IGSF22: variants seen among roughly 807,000 people sequenced by gnomAD.
IGSF22 encodes the protein immunoglobulin superfamily, member 22.
In IGSF22, 119 loss-of-function variants were observed where a neutral mutation model predicts 127.0. That is an observed-to-expected ratio of 0.94 (90% CI 0.81 to 1.09). The LOEUF (loss-of-function observed/expected upper bound fraction) is 1.09, where lower values mean the gene tolerates loss of function less well. Ranked by LOEUF, IGSF22 falls within the 50% of genes least tolerant of loss-of-function variation. The pLI is 0.00. For missense variants in IGSF22, 1,518 were observed against 1,716.6 expected (o/e 0.88, Z 2.04); for synonymous variants, 568 against 664.7 (o/e 0.85, Z 2.24).
chr11:18,704,355 T>G lies in IGSF22; in HGVS notation c.*113A>C, dbSNP rs1042073482. The G allele has an allele frequency of 2.8e-6, 2 of 716,264 alleles. No individual in the cohort carries two copies. The highest frequency in any genetic ancestry group is 4.7e-5 in the Admixed American group (2 of 42,794). The allele number at this position is 716,264 out of a possible 1,614,324, so 44.4% of individuals were successfully genotyped here. A position where few individuals can be genotyped will look rare whatever the true frequency, so the allele number is the denominator to read the frequency against. ...TTGCCCCATCCCTTCACTGAATGTT[T>G]ACATTAACAAACACCAGAGAGCAAA... On this transcript the variant is annotated 3_prime_UTR_variant, in exon 23 of 23. Coordinates refer to ENST00000513874, the MANE Select transcript of IGSF22 (RefSeq NM_173588.4).
At position 18,707,066 on chromosome 11, in the gene IGSF22, T is replaced by C. The variant is rs1172835984; in HGVS notation, c.3428A>G (p.Tyr1143Cys). ...GCTGAAGACACGCTCGGCTGCCGTGTACCAGGTGGCTGTGCTTGCATCCCG... is the reference window on the plus strand; with the variant it reads ...GCTGAAGACACGCTCGGCTGCCGTGCACCAGGTGGCTGTGCTTGCATCCCG... ...MKRDASTATW[Y>C]TAAERVFSNK... The change falls in exon 21 of 23, where the codon TAC becomes TGC. Residue 1143 changes from tyrosine to cysteine, a missense_variant. Physicochemically the swap from Tyr to Cys is radical, Grantham distance 194. Around this residue, in one of 3 missense-constraint regions of IGSF22, gnomAD observed 1,456 missense variants for 1,644.9 expected, o/e 0.89. Transcript: ENST00000513874. 1.9e-6 allele frequency: 3 copies of C among 1,551,620 alleles called. No individual in the cohort carries two copies. In the East Asian group the frequency reaches 7.3e-5, roughly 38 times the overall value.
intron 7 of IGSF22, among the ~76,000 whole-genome samples, chr11:18,719,338 T>G (rs1448017520): frequency 1.3e-5 from 2 of 151,820 alleles, no homozygotes; most frequent in African/African-American, 4.8e-5. Flanking sequence ...TTGTTTTTTT[T>G]GTATTTTTAG....
chr11:18,724,390 A>G, intron 1 of IGSF22, 121 bp from the exon 2 acceptor site: 2 of 550,542 alleles, frequency 3.6e-6, no homozygotes, highest in Non-Finnish European at 6.5e-6. Flanking sequence ...CCAGGAGAGC[A>G]GTCGAGCTCT....
chr11:18,710,106 A>T (rs1214062832), intron 17 of IGSF22, among the ~76,000 whole-genome samples: 3 of 152,188 alleles, frequency 2.0e-5, no homozygotes, highest in Non-Finnish European at 4.4e-5. Context: ...CACGAAATTT[A>T]AAAAACGTTT....
At chr11:18,713,489 C>T (rs1012308776) in intron 14 of IGSF22, among the ~76,000 whole-genome samples, 1 of 152,208 alleles carries the variant, frequency 6.6e-6, no homozygotes, top group Non-Finnish European at 1.5e-5. Flanking sequence ...TCTCTTTCAC[C>T]TCATTTCCAT....
At position 18,714,401 on chromosome 11, in the gene IGSF22, G is replaced by A. The variant is rs116322277; in HGVS notation, c.1674C>T (p.Gly558=). 1,621 of 1,614,002 alleles carry A rather than the reference G, an allele frequency of 1.0e-3. 11 individuals are homozygous for A. The African/African-American group carries it at 0.019, about 19-fold the overall frequency. The change falls in exon 13 of 23, where the codon GGC becomes GGT. Residue 558 remains glycine, a synonymous_variant. Coordinates refer to ENST00000513874, the MANE Select transcript of IGSF22 (RefSeq NM_173588.4). Reference sequence around the variant, plus strand: ...CTGCACCCTGCTTCACAATCTGCATGCCTGGCAAGTCCGTGATCTGGGGGT... The same window carrying A: ...CTGCACCCTGCTTCACAATCTGCATACCTGGCAAGTCCGTGATCTGGGGGT... ...KDGKEITDLP[G]MQIVKQGAVH...
At chr11:18,725,565 C>T (rs768348057) in intron 1 of IGSF22, among the ~76,000 whole-genome samples, 11 of 152,190 alleles carry the variant, frequency 7.2e-5, no homozygotes, top group Admixed American at 5.2e-4. Flanking sequence ...CTCAGGCTCC[C>T]GAGTAGCTGG....
intron 8 of IGSF22, 83 bp from the exon 9 acceptor site, chr11:18,718,176 A>T: frequency 7.5e-7 from 1 of 1,333,838 alleles, no homozygotes; most frequent in Non-Finnish European, 1.0e-6. Context: ...GCGCCAGCCT[A>T]AGCTGGAGGG....
chr11:18,716,054 C>T lies in IGSF22; in HGVS notation c.1247-338G>A, dbSNP rs958077178. ...CTGCATTGTCTTTCTAATGTCTGGA[C>T]ATTTATACATGCTATTACCTCTGCT... is the stretch of plus-strand genomic sequence containing the variant. On this transcript the variant is annotated intron_variant, in intron 10 of 22. Coordinates refer to ENST00000513874, the MANE Select transcript of IGSF22 (RefSeq NM_173588.4). The surrounding 1 kb of genome is among the most constrained non-coding windows in gnomAD (Gnocchi z 4.5). Among the ~76,000 whole-genome samples the T allele has an allele frequency of 6.6e-5, 10 of 152,288 alleles. No homozygotes were observed. Among genetic ancestry groups the T allele is most frequent in the African/African-American group, 2.2e-4 (9 of 41,554 alleles).
At chr11:18,706,786 G>T in intron 21 of IGSF22, 128 bp downstream of exon 21, 3 of 736,430 alleles carry the variant, frequency 4.1e-6, no homozygotes, top group South Asian at 2.3e-5. Flanking sequence ...CAGCGTCCCA[G>T]ATATTAACCG....
chr11:18,718,220 A>G (rs966893345), intron 8 of IGSF22, 127 bp from the exon 9 acceptor site: 3 of 811,460 alleles, frequency 3.7e-6, no homozygotes, highest in South Asian at 1.8e-5. Flanking sequence ...AGAGATCCCT[A>G]TGATCTCTAT....
At position 18,718,075 on chromosome 11, in the gene IGSF22, T is replaced by A; in HGVS notation, c.829A>T (p.Ile277Phe). ...IWIKGTEPLR[I>F]QYSLGKYDVK... ...TCGTACTTGCCCAGGGAGTACTGGA[T>A]CCTCAGTGGCTCAGTACCCTGCCTC... is the stretch of plus-strand genomic sequence containing the variant. The change falls in exon 9 of 23, where the codon ATC (isoleucine) becomes TTC (phenylalanine). Residue 277 changes from isoleucine (I) to phenylalanine (F), a missense_variant. Physicochemically the swap from Ile to Phe is conservative, Grantham distance 21. Coordinates refer to ENST00000513874, the MANE Select transcript of IGSF22 (RefSeq NM_173588.4). 6.2e-7 allele frequency: 1 copy of A among 1,614,138 alleles called. No homozygotes were observed. The highest frequency in any genetic ancestry group is 8.5e-7 in the Non-Finnish European group (1 of 1,179,996).
Position 18,715,586 on chromosome 11 carries a change from C to A in IGSF22, c.1377G>T (p.Met459Ile). The change falls in exon 11 of 23, where the codon ATG becomes ATT. Residue 459 changes from methionine (M) to isoleucine (I), a missense_variant. By Grantham distance (10) the Met-to-Ile change is conservative. Transcript: ENST00000513874. ...GGTTCATGCTGTACTTAGTGCCATG[C>A]ATCAGCAGCTGCCCATCCTTCTTCC... ...LRWKKDGQLLMHGTKYSMNHE... is the reference protein window; with the variant it reads ...LRWKKDGQLLIHGTKYSMNHE... The A allele has an allele frequency of 1.9e-6, 3 of 1,614,094 alleles. No individual in the cohort carries two copies. The highest frequency in any genetic ancestry group is 2.5e-6 in the Non-Finnish European group (3 of 1,180,030).
chr11:18,708,884 A>G (rs61886878), intron 18 of IGSF22, among the ~76,000 whole-genome samples: 23,203 of 152,202 alleles, frequency 0.15, 2,076 homozygotes, highest in South Asian at 0.29. Flanking sequence ...TAACATCACT[A>G]TTGTAGAGCC....
rs1012159289 is a variant in IGSF22 at position 18,706,164 on chromosome 11, G to A, written c.3581-18C>T. 3 of 1,525,474 alleles carry A rather than the reference G, an allele frequency of 2.0e-6. No homozygotes were observed. In the African/African-American group the frequency reaches 4.1e-5, roughly 21 times the overall value. The allele number at this position is 1,525,474 out of a possible 1,614,324, so 94.5% of individuals were successfully genotyped here. A position where few individuals can be genotyped will look rare whatever the true frequency, so the allele number is the denominator to read the frequency against. Reference sequence around the variant, plus strand: ...GTCCTGGACTGCGCGGGCGGGGCGGGGCAGGCCGTGAGGGCGCCCCAAGGC... The same window carrying A: ...GTCCTGGACTGCGCGGGCGGGGCGGAGCAGGCCGTGAGGGCGCCCCAAGGC... On this transcript the variant is annotated intron_variant, in intron 21 of 22. Coordinates refer to ENST00000513874, the MANE Select transcript of IGSF22 (RefSeq NM_173588.4).
At chr11:18,717,849 T>A in intron 9 of IGSF22, 82 bp downstream of exon 9, 1 of 1,462,122 alleles carries the variant, frequency 6.8e-7, no homozygotes, top group Non-Finnish European at 9.4e-7. Context: ...CTCTTCAATA[T>A]CCCCATGGAT....
intron 14 of IGSF22, among the ~76,000 whole-genome samples, chr11:18,713,106 A>G (rs1212161309): frequency 6.8e-6 from 1 of 148,054 alleles, no homozygotes; most frequent in Non-Finnish European, 1.5e-5. Context: ...TTTCCAAACA[A>G]CCTCACCTCC....
At chr11:18,723,749 G>A (rs1458489580) in intron 2 of IGSF22, among the ~76,000 whole-genome samples, 1 of 152,186 alleles carries the variant, frequency 6.6e-6, no homozygotes, top group Non-Finnish European at 1.5e-5. Context: ...GTGGAGCAGG[G>A]TCAGCATTAC....
At chr11:18,715,794 T>TC in intron 10 of IGSF22, 78 bp from the exon 11 acceptor site, 1 of 1,466,868 alleles carries the variant, frequency 6.8e-7, no homozygotes, top group Non-Finnish European at 9.2e-7. Context: ...AAAAGCCCTG[T>TC]CCCTCTTTCT....
Sources: gnomAD v4.1 joint callset for allele counts (sites outside exome capture counted in the v4.1 genomes callset) on GRCh38, gnomAD v4.1.1 for gene constraint, gnomAD v4.1.1 regional missense constraint, Gnocchi (gnomAD v3.1) non-coding constraint, MANE v1.5 for transcripts, NCBI Gene and HGNC (gene_info 2026-07-23, HGNC 2026-07-21) for gene names.